The following EIF4G1 variants were observed in gnomAD, a reference collection of about 807,000 sequenced individuals.
The protein encoded by EIF4G1 is eukaryotic translation initiation factor 4 gamma 1, also known as EIF4-gamma.
A neutral mutation model predicts 187.8 loss-of-function variants in EIF4G1; 4 were observed. That is an observed-to-expected ratio of 0.02 (90% CI 0.01 to 0.05). EIF4G1 has a LOEUF of 0.05. Among genes scored for constraint, EIF4G1 ranks in the 10% least tolerant of loss-of-function variants. The probability of loss-of-function intolerance (pLI) is 1.00; values close to 1 mark genes in which losing one functional copy is unlikely to be tolerated. For missense variants in EIF4G1, 1,647 were observed against 2,081.1 expected (o/e 0.79, Z 4.06); for synonymous variants, 844 against 781.4 (o/e 1.08, Z -1.34).
chr3:184,331,162 C>T, intron 28 of EIF4G1, 104 bp from the exon 29 acceptor site: 1 of 1,224,270 alleles, frequency 8.2e-7, no homozygotes, highest in Non-Finnish European at 1.2e-6. Flanking sequence ...CTAGCAAGTA[C>T]CTAGTAGGCT....
At position 184,334,939 on chromosome 3, in the gene EIF4G1, A is replaced by G. The variant is rs375395550; in HGVS notation, c.*31A>G. ...GGTGGGGCCGGGGACCTGGAGCCCC[A>G]TGGACACACAGATGGCCCGGCTAGC... is the stretch of plus-strand genomic sequence containing the variant. On this transcript the variant is annotated 3_prime_UTR_variant, in exon 33 of 33. Transcript: ENST00000346169. The surrounding 1 kb of genome is among the most constrained non-coding windows in gnomAD (Gnocchi z 5.8). 161 of 1,612,820 alleles carry G rather than the reference A, an allele frequency of 1.0e-4. No homozygotes were observed. The African/African-American group carries it at 1.9e-3, about 19-fold the overall frequency.
At chr3:184,316,026 G>A in intron 3 of EIF4G1, 106 bp from the exon 4 acceptor site, 4 of 1,553,098 alleles carry the variant, frequency 2.6e-6, no homozygotes, top group Non-Finnish European at 3.5e-6. Context: ...GGGGTATGTG[G>A]ATTGTTAAGG....
In EIF4G1 at chr3:184,322,698, A is replaced by T. The variant is rs747836331; in HGVS notation, c.1763A>T (p.Gln588Leu). 1.2e-6 allele frequency: 2 copies of T among 1,614,112 alleles called. No homozygotes were observed. The highest frequency in any genetic ancestry group is 1.7e-6 in the Non-Finnish European group (2 of 1,180,054). ...AAAATTCACAATGCTGAGAACATCC[A>T]GCCCGGGGAACAGAAGTATGAATAT... is the stretch of plus-strand genomic sequence containing the variant. The part of the protein sequence containing the change: ...EDKIHNAENI[Q>L]PGEQKYEYKS... The change falls in exon 12 of 33, where the codon CAG (glutamine) becomes CTG (leucine). Residue 588 changes from glutamine to leucine, a missense_variant. By Grantham distance (113) the Gln-to-Leu change is moderately radical (BLOSUM62 -2). Transcript: ENST00000346169.
At chr3:184,326,229 G>C (rs1247852357) in intron 21 of EIF4G1, among the ~76,000 whole-genome samples, 1 of 151,624 alleles carries the variant, frequency 6.6e-6, no homozygotes, top group Non-Finnish European at 1.5e-5. Context: ...ACATTTTAAA[G>C]TTGCGAAAAA....
intron 3 of EIF4G1, 21 bp downstream of exon 3, chr3:184,315,877 A>AGGGGTG: frequency 2.1e-6 from 3 of 1,409,138 alleles, no homozygotes; most frequent in Non-Finnish European, 2.9e-6. Context: ...AGGAATTAGC[A>AGGGGTG]GGGGTGGGGG....
rs1441329133 is a variant in EIF4G1 at position 184,328,969 on chromosome 3, G to A, written c.4140G>A (p.Leu1380=). ...GKAASLLLEI[L]GLLCKSMGPK... ...CTGCTTCCCTGTTGCTGGAGATCCTGGGCCTCCTGTGCAAAAGCATGGTGA... is the reference window on the plus strand; with the variant it reads ...CTGCTTCCCTGTTGCTGGAGATCCTAGGCCTCCTGTGCAAAAGCATGGTGA... Residue 1380 remains leucine (L), a synonymous_variant, in exon 28 of 33, where the codon CTG becomes CTA. Transcript: ENST00000346169. The A allele has an allele frequency of 3.1e-6, 5 of 1,614,182 alleles. No homozygotes were observed. In the East Asian group the frequency reaches 8.9e-5, roughly 29 times the overall value.
chr3:184,320,566 T>G lies in EIF4G1; in HGVS notation c.538-64T>G, dbSNP rs1261801661. 7.4e-6 allele frequency: 12 copies of G among 1,612,924 alleles called. No homozygotes were observed. The South Asian group carries it at 7.7e-5, about 10-fold the overall frequency. On this transcript the variant is annotated intron_variant, in intron 7 of 32. Coordinates refer to ENST00000346169, the MANE Select transcript of EIF4G1 (RefSeq NM_198241.3). ...GGGAGTTGGCCCAGAGTCTTAAGATTGGGGCAGGGTGGAGAGGTGGGCTCT... is the reference window on the plus strand; with the variant it reads ...GGGAGTTGGCCCAGAGTCTTAAGATGGGGGCAGGGTGGAGAGGTGGGCTCT...
At position 184,331,339 on chromosome 3, in the gene EIF4G1, A is replaced by G; in HGVS notation, c.4235A>G (p.Asp1412Gly). 6.2e-7 allele frequency: 1 copy of G among 1,614,228 alleles called. No homozygotes were observed. Among genetic ancestry groups the G allele is most frequent in the Non-Finnish European group, 8.5e-7 (1 of 1,180,052 alleles). The change falls in exon 29 of 33, where the codon GAC becomes GGC. Residue 1412 changes from aspartate (D) to glycine (G), a missense_variant. By Grantham distance (94) the Asp-to-Gly change is moderately conservative. Coordinates refer to ENST00000346169, the MANE Select transcript of EIF4G1 (RefSeq NM_198241.3). ...SWKEFLPEGQ[D>G]IGAFVAEQKV... Reference sequence around the variant, plus strand: ...AAGGAATTTCTACCTGAAGGCCAGGACATTGGTGCATTCGTCGCTGAACAG... The same window carrying G: ...AAGGAATTTCTACCTGAAGGCCAGGGCATTGGTGCATTCGTCGCTGAACAG...
intron 3 of EIF4G1, 38 bp from the exon 4 acceptor site, chr3:184,316,094 G>C (rs764343701): frequency 6.2e-7 from 1 of 1,613,530 alleles, no homozygotes; most frequent in East Asian, 2.2e-5. Flanking sequence ...CCCCACCTGG[G>C]CTTCCCCTCT....
rs763752686 is a variant in EIF4G1 at position 184,324,958 on chromosome 3, G to A, written c.2700G>A (p.Lys900=). The A allele has an allele frequency of 1.9e-6, 3 of 1,614,262 alleles. No homozygotes were observed. The highest frequency in any genetic ancestry group is 1.6e-4 in the Middle Eastern group (1 of 6,062). ...IARRRSLGNI[K]FIGELFKLKM... ...GGCGGCGCTCTTTAGGGAATATCAAGTTTATTGGAGAGTTGTTCAAACTGA... is the reference window on the plus strand; with the variant it reads ...GGCGGCGCTCTTTAGGGAATATCAAATTTATTGGAGAGTTGTTCAAACTGA... The change falls in exon 18 of 33, where the codon AAG becomes AAA. Residue 900 remains lysine (K), a synonymous_variant. Transcript: ENST00000346169.
At chr3:184,319,482 T>TTA in intron 6 of EIF4G1, 2 of 508,512 alleles carry the variant, frequency 3.9e-6, no homozygotes, top group Admixed American at 5.4e-5. Context: ...TGTGTGTGTG[T>TTA]GTTAGGAATT....
chr3:184,322,273 C>G, intron 10 of EIF4G1, 89 bp from the exon 11 acceptor site: 1 of 1,531,228 alleles, frequency 6.5e-7, no homozygotes, highest in Non-Finnish European at 8.9e-7. Context: ...AAATACTGTT[C>G]TTTGGCTGCT....
intron 1 of EIF4G1, 135 bp from the exon 2 acceptor site, chr3:184,315,354 G>A (rs773755386): frequency 7.7e-6 from 4 of 520,172 alleles, no homozygotes; most frequent in Non-Finnish European, 1.5e-5. Context: ...CGGGTGGGGG[G>A]TGGGGACGCC....
In EIF4G1 at chr3:184,323,355, T is replaced by C. The variant is rs769144246; in HGVS notation, c.2089-53T>C. ...GGAGGCGTGTAGTAGTGGTGTCACA[T>C]ATTGTGCTGACTAGTTCCATGTCCC... On this transcript the variant is annotated intron_variant, in intron 14 of 32. Transcript: ENST00000346169. The surrounding 1 kb of genome is among the most constrained non-coding windows in gnomAD (Gnocchi z 6.9). 4.0e-5 allele frequency: 65 copies of C among 1,612,958 alleles called. No homozygotes were observed. The East Asian group carries it at 1.4e-3, about 34-fold the overall frequency.
chr3:184,323,333 G>A lies in EIF4G1; in HGVS notation c.2089-75G>A. Reference sequence around the variant, plus strand: ...CCCGCGGGGAGGGGTTTGCCCTGGAGGCGTGTAGTAGTGGTGTCACATATT... The same window carrying A: ...CCCGCGGGGAGGGGTTTGCCCTGGAAGCGTGTAGTAGTGGTGTCACATATT... On this transcript the variant is annotated intron_variant, in intron 14 of 32. Coordinates refer to ENST00000346169, the MANE Select transcript of EIF4G1 (RefSeq NM_198241.3). This position sits in a 1 kb window ranked among gnomAD's most constrained non-coding sequence, Gnocchi z 6.9. 6.2e-7 allele frequency: 1 copy of A among 1,611,738 alleles called. No homozygotes were observed. Among genetic ancestry groups the A allele is most frequent in the East Asian group, 2.2e-5 (1 of 44,818 alleles).
At position 184,329,312 on chromosome 3, in the gene EIF4G1, AACAC is replaced by A. The variant is rs1725569105; in HGVS notation, c.4161+324_4161+327del. Reference sequence around the variant, plus strand: ...GCACTAGGGACACAGCAATGAATAAAACACAAGAAACAAGTTGGTAGAGAAAAAG... The same window carrying A: ...GCACTAGGGACACAGCAATGAATAAAAAGAAACAAGTTGGTAGAGAAAAAG... On this transcript the variant is annotated intron_variant, in intron 28 of 32. Coordinates refer to ENST00000346169, the MANE Select transcript of EIF4G1 (RefSeq NM_198241.3). 2.0e-5 allele frequency among the ~76,000 whole-genome samples: 3 copies of A among 152,348 alleles called. No individual in the cohort carries two copies. In the South Asian group the frequency reaches 6.2e-4, roughly 32 times the overall value.
Position 184,334,345 on chromosome 3 carries a change from G to A in EIF4G1, c.4619-382G>A, listed in dbSNP as rs181267278. 1.2e-4 allele frequency among the ~76,000 whole-genome samples: 18 copies of A among 152,258 alleles called. No individual in the cohort carries two copies. The South Asian group carries it at 1.9e-3, about 16-fold the overall frequency. ...AGGATCTGTTTGGGGGGCAGTGAAT[G>A]TTCAGGTTACATGTAGGATATATAT... On this transcript the variant is annotated intron_variant, in intron 32 of 32. Transcript: ENST00000346169. This position sits in a 1 kb window ranked among gnomAD's most constrained non-coding sequence, Gnocchi z 5.8.
chr3:184,324,143 T>C, intron 16 of EIF4G1, 58 bp from the exon 17 acceptor site: 1 of 1,612,576 alleles, frequency 6.2e-7, no homozygotes, highest in Non-Finnish European at 8.5e-7. Flanking sequence ...TAAAGGCTCT[T>C]GGAGGGCCTT....
At chr3:184,320,473 C>T (rs1577200403) in intron 7 of EIF4G1, 157 bp from the exon 8 acceptor site, 14 of 1,530,110 alleles carry the variant, frequency 9.1e-6, no homozygotes, top group Non-Finnish European at 1.1e-5. Context: ...ACGAGAGCAG[C>T]CAGATGGGCT....
Sources: gnomAD v4.1 joint callset for allele counts (sites outside exome capture counted in the v4.1 genomes callset) on GRCh38, gnomAD v4.1.1 for gene constraint, Gnocchi (gnomAD v3.1) non-coding constraint, MANE v1.5 for transcripts, NCBI Gene and HGNC (gene_info 2026-07-23, HGNC 2026-07-21) for gene names.